Variants in ITGB3BP observed in about 807,000 individuals in gnomAD.
ITGB3BP encodes integrin subunit beta 3 binding protein.
In ITGB3BP, 27 loss-of-function variants were observed where a neutral mutation model predicts 29.1. The observed-to-expected ratio is 0.93, with a 90% CI of 0.68 to 1.28. The LOEUF (loss-of-function observed/expected upper bound fraction) is 1.28, where lower values mean the gene tolerates loss of function less well. Ranked by LOEUF, ITGB3BP falls within the 50% of genes most tolerant of loss-of-function variation. The pLI is 0.00. For synonymous variants in ITGB3BP, 61 were observed against 61.4 expected (o/e 0.99, Z 0.03); for missense variants, 192 against 200.2 (o/e 0.96, Z 0.25).
At chr1:63,480,421 T>A (rs946419182) in intron 3 of ITGB3BP, among the ~76,000 whole-genome samples, 1 of 152,174 alleles carries the variant, frequency 6.6e-6, no homozygotes, top group African/African-American at 2.4e-5. Context: ...AGCAAGTATT[T>A]GAGGACACAT....
intron 7 of ITGB3BP, chr1:63,449,763 TA>T (rs1400730356): frequency 1.3e-5 from 2 of 154,606 alleles, no homozygotes; most frequent in African/African-American, 2.4e-5. Flanking sequence ...TTGTTTCTCC[TA>T]AAAGTCGTCA....
intron 7 of ITGB3BP, among the ~76,000 whole-genome samples, chr1:63,447,254 T>C (rs1474139272): frequency 6.6e-6 from 1 of 152,158 alleles, no homozygotes; most frequent in African/African-American, 2.4e-5. Flanking sequence ...AGGCACTCAA[T>C]AAACATTAAT....
At chr1:63,489,420 A>C (rs946006912) in intron 3 of ITGB3BP, among the ~76,000 whole-genome samples, 3 of 150,878 alleles carry the variant, frequency 2.0e-5, no homozygotes, top group Admixed American at 6.6e-5. Flanking sequence ...AAAAAAAAAA[A>C]CCCCACGGAA....
chr1:63,471,722 T>C, intron 4 of ITGB3BP, among the ~76,000 whole-genome samples: 1 of 152,244 alleles, frequency 6.6e-6, no homozygotes, highest in East Asian at 1.9e-4. Context: ...TTCAGCTAAA[T>C]GAAGGTATCT....
chr1:63,504,891 T>C (rs1475927014), intron 2 of ITGB3BP, among the ~76,000 whole-genome samples: 1 of 152,202 alleles, frequency 6.6e-6, no homozygotes, highest in Non-Finnish European at 1.5e-5. Context: ...AGCTTTTTGA[T>C]GTGCTGCTGG....
At chr1:63,507,782 A>T (rs1032104849) in intron 2 of ITGB3BP, among the ~76,000 whole-genome samples, 1 of 152,202 alleles carries the variant, frequency 6.6e-6, no homozygotes, top group African/African-American at 2.4e-5. Context: ...AAACCCATTT[A>T]TTGAAATGGC....
At chr1:63,493,093 C>T (rs1019096791) in intron 2 of ITGB3BP, among the ~76,000 whole-genome samples, 15 of 150,414 alleles carry the variant, frequency 1.0e-4, no homozygotes, top group African/African-American at 2.0e-4. Context: ...CACACACGCG[C>T]GCGCGCGCAA....
intron 7 of ITGB3BP, among the ~76,000 whole-genome samples, chr1:63,451,200 A>G (rs1644855203): frequency 6.6e-6 from 1 of 151,618 alleles, no homozygotes; most frequent in Non-Finnish European, 1.5e-5. Flanking sequence ...GAAAGACCAA[A>G]AAACAAACAA....
chr1:63,528,822 G>A (rs1646643472), intron 2 of ITGB3BP, among the ~76,000 whole-genome samples: 2 of 152,064 alleles, frequency 1.3e-5, no homozygotes, highest in South Asian at 2.1e-4. Flanking sequence ...GTGTAAATGT[G>A]TTCTGTATAT....
chr1:63,443,789 A>G (rs1644756984), intron 8 of ITGB3BP, among the ~76,000 whole-genome samples: 1 of 151,372 alleles, frequency 6.6e-6, no homozygotes, highest in Admixed American at 6.6e-5. Flanking sequence ...TGTGGGGACA[A>G]AGAGAGAGAG....
chr1:63,512,512 T>A (rs998539860), intron 1 of ITGB3BP, among the ~76,000 whole-genome samples: 1 of 152,102 alleles, frequency 6.6e-6, no homozygotes, highest in African/African-American at 2.4e-5. Flanking sequence ...TTTAAAACAT[T>A]AGTTTAAATA....
At chr1:63,491,350 T>C (rs1204047846) in intron 2 of ITGB3BP, among the ~76,000 whole-genome samples, 1 of 152,194 alleles carries the variant, frequency 6.6e-6, no homozygotes, top group East Asian at 1.9e-4. Context: ...AAAGAGGTTT[T>C]AAATTAGTAT....
At chr1:63,455,408 T>A (rs1215343470) in intron 4 of ITGB3BP, among the ~76,000 whole-genome samples, 2 of 149,080 alleles carry the variant, frequency 1.3e-5, no homozygotes, top group Admixed American at 6.7e-5. Flanking sequence ...GCTTCTAGTT[T>A]AAAAAAAAAA....
In ITGB3BP at chr1:63,454,843, T is replaced by C. The variant is rs1166326207; in HGVS notation, c.333+47A>G. 2 of 854,160 alleles carry C rather than the reference T, an allele frequency of 2.3e-6. No individual in the cohort carries two copies. The highest frequency in any genetic ancestry group is 1.7e-5 in the South Asian group (1 of 58,218). The allele number at this position is 854,160 out of a possible 1,614,324, so 52.9% of individuals were successfully genotyped here. On this transcript the variant is annotated intron_variant, in intron 5 of 8. Coordinates refer to ENST00000271002, the MANE Select transcript of ITGB3BP (RefSeq NM_014288.5). The surrounding 1 kb of genome is among the most constrained non-coding windows in gnomAD (Gnocchi z 4.1). ...GATTCTCCAATCTGGGACACTTCTT[T>C]CATTTTATCCTTTTCAAACAGGGTA...
At chr1:63,467,242 T>C (rs1473482326) in intron 4 of ITGB3BP, among the ~76,000 whole-genome samples, 1 of 151,980 alleles carries the variant, frequency 6.6e-6, no homozygotes, top group Non-Finnish European at 1.5e-5. Context: ...TAGTTTATAA[T>C]CATTAACATT....
At chr1:63,448,399 G>C (rs1482543468) in intron 7 of ITGB3BP, among the ~76,000 whole-genome samples, 1 of 151,858 alleles carries the variant, frequency 6.6e-6, no homozygotes, top group South Asian at 2.1e-4. Context: ...TCCTGAAAGA[G>C]AGGTTCCAGA....
chr1:63,486,585 G>C (rs1645535298), intron 3 of ITGB3BP, among the ~76,000 whole-genome samples: 1 of 152,048 alleles, frequency 6.6e-6, no homozygotes, highest in Non-Finnish European at 1.5e-5. Flanking sequence ...CTTGTCATCT[G>C]TTTACAAGAT....
At chr1:63,525,855 C>A, upstream of ITGB3BP, 2 of 839,048 alleles carry the variant, frequency 2.4e-6, no homozygotes, top group Non-Finnish European at 3.6e-6. Flanking sequence ...TTGAATCATC[C>A]CAGTTTCTTA....
chr1:63,503,624 T>G (rs1645996120), intron 2 of ITGB3BP, among the ~76,000 whole-genome samples: 1 of 151,934 alleles, frequency 6.6e-6, no homozygotes, highest in Admixed American at 6.6e-5. Flanking sequence ...TAGGTTTTCT[T>G]CTAGGGTTTT....
Sources: gnomAD v4.1 joint callset for allele counts (sites outside exome capture counted in the v4.1 genomes callset) on GRCh38, gnomAD v4.1.1 for gene constraint, Gnocchi (gnomAD v3.1) non-coding constraint, MANE v1.5 for transcripts, NCBI Gene and HGNC (gene_info 2026-07-23, HGNC 2026-07-21) for gene names.